Variants in THEMIS observed in about 807,000 individuals in gnomAD.
THEMIS encodes protein THEMIS.
In THEMIS, 37 loss-of-function variants were observed where a neutral mutation model predicts 52.6. The observed-to-expected ratio is 0.70, with a 90% CI of 0.54 to 0.93. THEMIS has a LOEUF of 0.93. Ranked by LOEUF, THEMIS falls within the 40% of genes least tolerant of loss-of-function variation. The probability of loss-of-function intolerance (pLI) is 0.00; values close to 1 mark genes in which losing one functional copy is unlikely to be tolerated. For synonymous variants in THEMIS, 292 were observed against 272.7 expected, an observed-to-expected ratio of 1.07 and a Z score of -0.70; for missense variants, 808 against 763.1, an observed-to-expected ratio of 1.06 and a Z score of -0.69.
intron 5 of THEMIS, among the ~76,000 whole-genome samples, chr6:127,713,086 T>G (rs2114460043): frequency 6.6e-6 from 1 of 151,984 alleles, no homozygotes; most frequent in South Asian, 2.1e-4. Flanking sequence ...AGGATGCAAC[T>G]TGATTGTGGT....
At chr6:127,897,195 T>C (rs1216702578) in intron 1 of THEMIS, among the ~76,000 whole-genome samples, 1 of 151,244 alleles carries the variant, frequency 6.6e-6, no homozygotes, top group East Asian at 1.9e-4. Flanking sequence ...GGGTAAACAA[T>C]AGGATTTCTA....
intron 4 of THEMIS, among the ~76,000 whole-genome samples, chr6:127,811,101 C>T (rs972870048): frequency 6.6e-6 from 1 of 152,078 alleles, no homozygotes; most frequent in Non-Finnish European, 1.5e-5. Flanking sequence ...TCCAGCAAAA[C>T]AGGTAGTGAC....
chr6:127,915,586 AAGAGAGAGAGAGAGAGAG>A (rs34353449), intron 1 of THEMIS, among the ~76,000 whole-genome samples: 1 of 140,326 alleles, frequency 7.1e-6, no homozygotes, highest in Admixed American at 7.2e-5. Flanking sequence ...GTCAGAGAGA[AAGAGAGAGAGAGAGAGAG>A]AGAGAGAGAG....
chr6:127,792,659 C>T (rs1261691097), intron 4 of THEMIS, among the ~76,000 whole-genome samples: 3 of 152,172 alleles, frequency 2.0e-5, no homozygotes, highest in Non-Finnish European at 2.9e-5. Context: ...GAATTACTGC[C>T]TGCCTATACA....
intron 1 of THEMIS, among the ~76,000 whole-genome samples, chr6:127,875,388 A>G (rs1780284035): frequency 6.6e-6 from 1 of 152,228 alleles, no homozygotes; most frequent in Admixed American, 6.5e-5. Context: ...AAGCCTCAAC[A>G]CAATGTAGAA....
chr6:127,815,519 A>T (rs1182462201), intron 3 of THEMIS, among the ~76,000 whole-genome samples: 4 of 151,948 alleles, frequency 2.6e-5, no homozygotes, highest in African/African-American at 9.7e-5. Context: ...ATTTTCTTGT[A>T]AAAAAAATAA....
chr6:127,814,678 C>A (rs994859843), intron 3 of THEMIS, among the ~76,000 whole-genome samples: 1 of 152,138 alleles, frequency 6.6e-6, no homozygotes, highest in Non-Finnish European at 1.5e-5. Context: ...TGAGTACTCA[C>A]CAATGTATTC....
chr6:127,754,310 A>C (rs896308307), intron 4 of THEMIS, among the ~76,000 whole-genome samples: 1 of 152,140 alleles, frequency 6.6e-6, no homozygotes, highest in Non-Finnish European at 1.5e-5. Context: ...GCTTTAACAC[A>C]AATAATATTT....
chr6:127,806,801 C>T (rs1048405081), intron 4 of THEMIS, among the ~76,000 whole-genome samples: 2 of 152,268 alleles, frequency 1.3e-5, no homozygotes, highest in South Asian at 4.1e-4. Flanking sequence ...TCCAGAAGCA[C>T]AAAAAGAGCT....
intron 4 of THEMIS, among the ~76,000 whole-genome samples, chr6:127,761,958 T>C (rs1481199400): frequency 6.6e-6 from 1 of 152,178 alleles, no homozygotes; most frequent in African/African-American, 2.4e-5. Flanking sequence ...CACTTCTATG[T>C]TCGTTGCAGT....
chr6:127,784,309 G>C (rs1776848489), intron 4 of THEMIS, among the ~76,000 whole-genome samples: 1 of 151,986 alleles, frequency 6.6e-6, no homozygotes, highest in South Asian at 2.1e-4. Flanking sequence ...GGGTGCAGCA[G>C]ATCACTATGA....
chr6:127,745,533 C>G (rs1775358225), intron 4 of THEMIS, among the ~76,000 whole-genome samples: 1 of 151,772 alleles, frequency 6.6e-6, no homozygotes, highest in Non-Finnish European at 1.5e-5. Context: ...AAGTACTGGT[C>G]TGTTGCTATC....
At chr6:127,808,220 T>G (rs912374856) in intron 4 of THEMIS, among the ~76,000 whole-genome samples, 2 of 152,206 alleles carry the variant, frequency 1.3e-5, no homozygotes, top group Non-Finnish European at 2.9e-5. Flanking sequence ...AAGGTTTGTT[T>G]TCTGTCTTGT....
intron 1 of THEMIS, among the ~76,000 whole-genome samples, chr6:127,891,538 C>CAAA (rs67886431): frequency 4.4e-3 from 427 of 96,548 alleles, no homozygotes; most frequent in Non-Finnish European, 5.8e-3. Flanking sequence ...TCCAGCTCAA[C>CAAA]AAAAAAAAAA....
intron 4 of THEMIS, among the ~76,000 whole-genome samples, chr6:127,732,646 A>T (rs906483911): frequency 1.3e-5 from 2 of 152,206 alleles, no homozygotes; most frequent in African/African-American, 4.8e-5. Flanking sequence ...TATGCTTTGA[A>T]TCATATAACA....
At chr6:127,806,581 G>GA (rs1369768263) in intron 4 of THEMIS, among the ~76,000 whole-genome samples, 1 of 152,168 alleles carries the variant, frequency 6.6e-6, no homozygotes, top group East Asian at 1.9e-4. Flanking sequence ...ATTATCCAGA[G>GA]AAAATCAGTA....
chr6:127,811,159 CA>C (rs1349069422), intron 4 of THEMIS, among the ~76,000 whole-genome samples: 1 of 152,162 alleles, frequency 6.6e-6, no homozygotes, highest in Non-Finnish European at 1.5e-5. Flanking sequence ...TCCTCCTTCT[CA>C]ACTTGATGTC....
intron 4 of THEMIS, among the ~76,000 whole-genome samples, chr6:127,726,419 A>T (rs1283615658): frequency 6.6e-6 from 1 of 152,168 alleles, no homozygotes; most frequent in Non-Finnish European, 1.5e-5. Flanking sequence ...AACTGATTAG[A>T]AATCATCTCA....
chr6:127,712,541 G>A (rs767234285), intron 5 of THEMIS, among the ~76,000 whole-genome samples: 14 of 151,912 alleles, frequency 9.2e-5, no homozygotes, highest in Non-Finnish European at 1.5e-4. Flanking sequence ...TTTTGGAAAT[G>A]TCACAAGTTC....
Sources: gnomAD v4.1 joint callset for allele counts (sites outside exome capture counted in the v4.1 genomes callset) on GRCh38, gnomAD v4.1.1 for gene constraint, MANE v1.5 for transcripts, NCBI Gene and HGNC (gene_info 2026-07-23, HGNC 2026-07-21) for gene names.